The following NEXMIF variants were observed in gnomAD, a reference collection of about 807,000 sequenced individuals.
NEXMIF encodes the protein neurite extension and migration factor, also known as XLMR protein related to neurite extension.
A neutral mutation model predicts 62.1 loss-of-function variants in NEXMIF; 8 were observed. The ratio of observed to expected loss-of-function variants is 0.13; its 90% CI spans 0.08 to 0.23. NEXMIF has a LOEUF of 0.23. Ranked by LOEUF, NEXMIF falls within the 10% of genes least tolerant of loss-of-function variation. The probability of loss-of-function intolerance (pLI) is 1.00; values close to 1 mark genes in which losing one functional copy is unlikely to be tolerated. For missense variants in NEXMIF, 976 were observed against 1,113.3 expected (o/e 0.88, Z 1.75); for synonymous variants, 404 against 416.6 (o/e 0.97, Z 0.37).
rs1281544423 is a variant in NEXMIF, at chrX:74,737,030, A to G, written c.*2375T>C. 2 of 111,486 alleles carry G rather than the reference A, an allele frequency of 1.8e-5. No homozygotes were observed. Among genetic ancestry groups the G allele is most frequent in the Non-Finnish European group, 3.8e-5 (2 of 52,922 alleles). 9.2% of individuals were successfully genotyped at this position (111,486 alleles called of 1,213,427 possible). On this transcript the variant is annotated 3_prime_UTR_variant, in exon 4 of 4. Coordinates refer to ENST00000055682, the MANE Select transcript of NEXMIF (RefSeq NM_001008537.3). ...ATTCTCCAAAGCTGAACTGATACCG[A>G]AAAAAAACTGGGACAACTGCTCCCA... is the stretch of plus-strand genomic sequence containing the variant.
chrX:74,757,501 C>A (rs745332404), intron 1 of NEXMIF, among the ~76,000 whole-genome samples: 2 of 111,827 alleles, frequency 1.8e-5, no homozygotes, highest in Non-Finnish European at 3.8e-5. Context: ...TGGTAAATTG[C>A]GGGTATCTTA....
chrX:74,923,221 TA>T (rs2080832920), intron 1 of NEXMIF, among the ~76,000 whole-genome samples: 1 of 111,668 alleles, frequency 9.0e-6, no homozygotes, highest in Non-Finnish European at 1.9e-5. Flanking sequence ...GAAAGGGAAA[TA>T]CCACCACCAC....
At chrX:74,845,402 C>T (rs1441474386) in intron 1 of NEXMIF, among the ~76,000 whole-genome samples, 1 of 111,964 alleles carries the variant, frequency 8.9e-6, no homozygotes, top group Non-Finnish European at 1.9e-5. Flanking sequence ...GTTCAAATAA[C>T]TCATATTCTA....
At chrX:74,783,967 A>G (rs1381581996) in intron 1 of NEXMIF, among the ~76,000 whole-genome samples, 1 of 111,164 alleles carries the variant, frequency 9.0e-6, no homozygotes, top group Non-Finnish European at 1.9e-5. Flanking sequence ...ACATCCTAGC[A>G]TACAATGCCT....
intron 1 of NEXMIF, among the ~76,000 whole-genome samples, chrX:74,881,014 T>G (rs949966653): frequency 2.7e-5 from 3 of 111,673 alleles, no homozygotes; most frequent in Admixed American, 9.5e-5. Flanking sequence ...CAAGCCATCC[T>G]CAAACCCCAA....
chrX:74,771,505 G>T (rs188906970), intron 1 of NEXMIF, among the ~76,000 whole-genome samples: 1 of 110,884 alleles, frequency 9.0e-6, no homozygotes, highest in Non-Finnish European at 1.9e-5. Flanking sequence ...CACCTATTTT[G>T]GTTCCAAAGG....
chrX:74,773,963 T>G (rs1197517294), intron 1 of NEXMIF, among the ~76,000 whole-genome samples: 1 of 102,813 alleles, frequency 9.7e-6, no homozygotes, highest in Non-Finnish European at 2.0e-5. Context: ...GAGGTTGCAG[T>G]AGGTTCTGAA....
chrX:74,761,437 G>A (rs1216466160), intron 1 of NEXMIF, among the ~76,000 whole-genome samples: 1 of 110,959 alleles, frequency 9.0e-6, no homozygotes, highest in African/African-American at 3.3e-5. Context: ...ATTCCTCCCT[G>A]GTTCAGTCTT....
intron 1 of NEXMIF, among the ~76,000 whole-genome samples, chrX:74,832,407 C>T (rs2080440878): frequency 9.0e-6 from 1 of 111,330 alleles, no homozygotes; most frequent in East Asian, 2.8e-4. Flanking sequence ...TGATAGTAGC[C>T]ACTGGTGATC....
chrX:74,847,774 C>T (rs2080497365), intron 1 of NEXMIF, among the ~76,000 whole-genome samples: 1 of 111,207 alleles, frequency 9.0e-6, no homozygotes, highest in Admixed American at 9.6e-5. Flanking sequence ...TAAAAAGTAT[C>T]CATGTCAACT....
chrX:74,837,682 C>T (rs1430033924), intron 1 of NEXMIF, among the ~76,000 whole-genome samples: 1 of 111,644 alleles, frequency 9.0e-6, no homozygotes, highest in Non-Finnish European at 1.9e-5. Flanking sequence ...ACTGCAAACA[C>T]CAGAGAAGAG....
intron 1 of NEXMIF, among the ~76,000 whole-genome samples, chrX:74,878,910 C>G (rs2080650993): frequency 8.9e-6 from 1 of 112,631 alleles, no homozygotes; most frequent in Non-Finnish European, 1.9e-5. Flanking sequence ...ATGAGATGAA[C>G]CCGGTACCTC....
At chrX:74,916,451 T>C (rs964696023) in intron 1 of NEXMIF, among the ~76,000 whole-genome samples, 4 of 111,517 alleles carry the variant, frequency 3.6e-5, no homozygotes, top group Non-Finnish European at 7.5e-5. Context: ...GATTGATCCA[T>C]TCATGGATTA....
chrX:74,843,302 GCT>G (rs1238180193), intron 1 of NEXMIF, among the ~76,000 whole-genome samples: 1 of 111,129 alleles, frequency 9.0e-6, no homozygotes, highest in East Asian at 2.8e-4. Flanking sequence ...CCTTGTTTTT[GCT>G]CTGTTTTCCA....
intron 1 of NEXMIF, among the ~76,000 whole-genome samples, chrX:74,903,325 TACACACACAC>T (rs397897060): frequency 0.017 from 890 of 51,194 alleles, 12 homozygotes; most frequent in African/African-American, 0.05. Context: ...TTCTCAGGCA[TACACACACAC>T]ACACACACAC....
intron 1 of NEXMIF, among the ~76,000 whole-genome samples, chrX:74,816,708 G>C (rs922734839): frequency 1.8e-5 from 2 of 111,701 alleles, no homozygotes; most frequent in Admixed American, 9.5e-5. Flanking sequence ...AGTAAACATA[G>C]ATTCCTGAAT....
At chrX:74,756,624 A>G (rs1375387018) in intron 1 of NEXMIF, among the ~76,000 whole-genome samples, 1 of 111,412 alleles carries the variant, frequency 9.0e-6, no homozygotes, top group Non-Finnish European at 1.9e-5. Context: ...TTCTAGTTAG[A>G]ATTCTGTAAT....
intron 1 of NEXMIF, among the ~76,000 whole-genome samples, chrX:74,839,452 T>C (rs1293986676): frequency 8.9e-6 from 1 of 111,772 alleles, no homozygotes; most frequent in Non-Finnish European, 1.9e-5. Flanking sequence ...GTACATGTGA[T>C]GGTTTGTTAC....
chrX:74,848,679 C>T (rs1234285249), intron 1 of NEXMIF, among the ~76,000 whole-genome samples: 1 of 112,212 alleles, frequency 8.9e-6, no homozygotes, highest in Admixed American at 9.4e-5. Context: ...ATAAGTAGGT[C>T]TTGGTAAAAA....
Sources: gnomAD v4.1 joint callset for allele counts (sites outside exome capture counted in the v4.1 genomes callset) on GRCh38, gnomAD v4.1.1 for gene constraint, MANE v1.5 for transcripts, NCBI Gene and HGNC (gene_info 2026-07-23, HGNC 2026-07-21) for gene names.